DMD: variants seen among roughly 807,000 people sequenced by gnomAD.
The protein encoded by DMD is mutant dystrophin.
Under a neutral mutation model 330.1 loss-of-function variants are expected in DMD, and 63 were observed. The ratio of observed to expected loss-of-function variants is 0.19; its 90% CI spans 0.16 to 0.24. The LOEUF is 0.24. Among genes scored for constraint, DMD ranks in the 10% least tolerant of loss-of-function variants. The pLI, the probability that DMD is intolerant of heterozygous loss-of-function variation, is 1.00. For missense variants in DMD, 3,344 were observed against 2,684.1 expected (o/e 1.25, Z -5.43); for synonymous variants, 1,223 against 959.8 (o/e 1.27, Z -5.07).
At chrX:32,078,695 G>T (rs2096370724) in intron 44 of DMD, among the ~76,000 whole-genome samples, 1 of 111,914 alleles carries the variant, frequency 8.9e-6, no homozygotes, top group South Asian at 3.7e-4. Flanking sequence ...TATTATAGGA[G>T]ATCAATATAT....
chrX:32,411,665 T>C, intron 30 of DMD, 87 bp downstream of exon 30: 2 of 1,072,034 alleles, frequency 1.9e-6, no homozygotes, highest in South Asian at 3.8e-5. Context: ...GAAAACTAGT[T>C]GAATAAATTT....
intron 19 of DMD, among the ~76,000 whole-genome samples, chrX:32,497,101 C>A (rs1278172828): frequency 8.9e-6 from 1 of 111,777 alleles, no homozygotes; most frequent in Non-Finnish European, 1.9e-5. Context: ...TAATCCCTAC[C>A]CTCACCCATC....
rs745358298 is a variant in DMD, at chrX:32,780,336, T to C, written c.649+29157A>G. Among the ~76,000 whole-genome samples the C allele has an allele frequency of 4.5e-5, 5 of 112,268 alleles. No individual in the cohort carries two copies. The East Asian group carries it at 1.1e-3, about 25-fold the overall frequency. On this transcript the variant is annotated intron_variant, in intron 7 of 78. Transcript: ENST00000357033. ...TTAGTTCATTTTATGAGACGTGCTA[T>C]TGAGTTTTAGATAAAGTTTGAAATT...
intron 47 of DMD, among the ~76,000 whole-genome samples, chrX:31,897,601 T>A (rs201242164): frequency 1.2e-5 from 1 of 86,056 alleles, no homozygotes; most frequent in African/African-American, 4.5e-5. Flanking sequence ...CCTGACTTTT[T>A]AATGATTGCC....
At chrX:31,512,204 G>C (rs1255232221) in intron 55 of DMD, among the ~76,000 whole-genome samples, 16 of 110,207 alleles carry the variant, frequency 1.5e-4, no homozygotes, top group African/African-American at 4.9e-4. Context: ...TTGTACATTT[G>C]TTTGAGTTCA....
At chrX:32,876,597 T>G (rs949610381) in intron 2 of DMD, among the ~76,000 whole-genome samples, 1 of 112,171 alleles carries the variant, frequency 8.9e-6, no homozygotes, top group Admixed American at 9.4e-5. Flanking sequence ...CGGTCATTTG[T>G]TCATGTCCCT....
At chrX:32,720,525 T>C (rs1451612381) in intron 7 of DMD, among the ~76,000 whole-genome samples, 2 of 112,041 alleles carry the variant, frequency 1.8e-5, no homozygotes, top group Admixed American at 1.9e-4. Flanking sequence ...ACTACTTAAA[T>C]AGGTCCTAAA....
intron 44 of DMD, among the ~76,000 whole-genome samples, chrX:32,099,399 C>A (rs933573323): frequency 9.0e-6 from 1 of 110,871 alleles, no homozygotes; most frequent in African/African-American, 3.3e-5. Flanking sequence ...TGGGTATATA[C>A]CCAAAGGACT....
intron 7 of DMD, among the ~76,000 whole-genome samples, chrX:32,731,759 T>G (rs1005706663): frequency 8.9e-6 from 1 of 112,284 alleles, no homozygotes; most frequent in African/African-American, 3.2e-5. Flanking sequence ...AAAACCCATC[T>G]GGACGTCACC....
chrX:31,558,082 T>C (rs965727729), intron 55 of DMD, among the ~76,000 whole-genome samples: 13 of 112,135 alleles, frequency 1.2e-4, no homozygotes, highest in African/African-American at 3.6e-4. Flanking sequence ...ACAGAAATTA[T>C]TGGAAGATAA....
At chrX:33,180,724 A>G (rs1409853423) in intron 1 of DMD, among the ~76,000 whole-genome samples, 1 of 111,537 alleles carries the variant, frequency 9.0e-6, no homozygotes, top group Non-Finnish European at 1.9e-5. Flanking sequence ...GTCAATTACA[A>G]GTAATCCTAG....
chrX:31,434,728 C>T (rs962466731), intron 60 of DMD, among the ~76,000 whole-genome samples: 1 of 111,296 alleles, frequency 9.0e-6, no homozygotes, highest in Non-Finnish European at 1.9e-5. Context: ...TTCAGCAAGA[C>T]TTTGATGATT....
At chrX:31,325,338 G>A (rs1209472933) in intron 61 of DMD, among the ~76,000 whole-genome samples, 3 of 108,254 alleles carry the variant, frequency 2.8e-5, no homozygotes, top group Non-Finnish European at 5.7e-5. Context: ...GGTGGCTCAC[G>A]CCTGTAATCC....
chrX:32,204,670 G>A (rs890853457), intron 44 of DMD, among the ~76,000 whole-genome samples: 2 of 110,260 alleles, frequency 1.8e-5, no homozygotes, highest in African/African-American at 6.6e-5. Flanking sequence ...AAAGAAAAGG[G>A]GTTTTCTTTT....
At chrX:32,857,213 T>C (rs1054155936) in intron 2 of DMD, among the ~76,000 whole-genome samples, 4 of 112,627 alleles carry the variant, frequency 3.6e-5, no homozygotes, top group Non-Finnish European at 5.6e-5. Flanking sequence ...CCCCTAAATA[T>C]ACTATGTATC....
chrX:31,996,585 T>C (rs894928228), intron 44 of DMD, among the ~76,000 whole-genome samples: 2 of 111,613 alleles, frequency 1.8e-5, no homozygotes, highest in Non-Finnish European at 3.8e-5. Flanking sequence ...TCCACATTTT[T>C]TTAGCACTGA....
At chrX:31,191,204 T>A (rs2042315549) in intron 67 of DMD, among the ~76,000 whole-genome samples, 1 of 111,903 alleles carries the variant, frequency 8.9e-6, no homozygotes, top group South Asian at 3.7e-4. Flanking sequence ...TGTGTGTGTG[T>A]GTGTGTGTGT....
chrX:31,687,723 C>A (rs2082782860), intron 52 of DMD, among the ~76,000 whole-genome samples: 1 of 112,037 alleles, frequency 8.9e-6, no homozygotes, highest in Non-Finnish European at 1.9e-5. Context: ...ATGCCCGGGG[C>A]CTAAGATTTC....
rs988919999 is a variant in DMD at position 32,646,306 on chromosome X, G to C, written c.961-1154C>G. Among the ~76,000 whole-genome samples the C allele has an allele frequency of 2.7e-4, 30 of 111,289 alleles. 1 individual carries two copies. Among genetic ancestry groups the C allele is most frequent in the Admixed American group, 2.6e-3 (27 of 10,401 alleles). On this transcript the variant is annotated intron_variant, in intron 9 of 78. Transcript: ENST00000357033. ...CTAAGTTTGCAGGAGGTTTTGCTTT[G>C]GGAGGAGTGTACTCCTTGCAGGTCG...
Sources: gnomAD v4.1 joint callset for allele counts (sites outside exome capture counted in the v4.1 genomes callset) on GRCh38, gnomAD v4.1.1 for gene constraint, MANE v1.5 for transcripts, NCBI Gene and HGNC (gene_info 2026-07-23, HGNC 2026-07-21) for gene names.